Variants in CFAP263 observed in about 807,000 individuals in gnomAD.
The protein encoded by CFAP263 is cilia- and flagella-associated protein 263.
At chr16:58,250,567 C>G in the CFAP263 span, 1 of 154,182 alleles carries the variant, frequency 6.5e-6, no homozygotes, top group Non-Finnish European at 1.4e-5. Context: ...GAGTTCGAGA[C>G]CAGCCTGGCC....
the CFAP263 span, among the ~76,000 whole-genome samples, chr16:58,266,389 ATATATATATATATATATTTTTTTTTTTT>A: frequency 3.2e-5 from 1 of 30,880 alleles, no homozygotes; most frequent in African/African-American, 1.6e-4. Flanking sequence ...ATATATATAT[ATATATATATATATATATTTTTTTTTTTT>A]TTTTTTTTTT....
At chr16:58,254,454 T>C in the CFAP263 span, among the ~76,000 whole-genome samples, 1 of 152,212 alleles carries the variant, frequency 6.6e-6, no homozygotes, top group African/African-American at 2.4e-5. Context: ...TGGCCTCTTT[T>C]GGTTGATCAA....
the CFAP263 span, among the ~76,000 whole-genome samples, chr16:58,252,017 G>A: frequency 3.3e-5 from 1 of 30,074 alleles, no homozygotes; most frequent in Admixed American, 3.1e-4. Flanking sequence ...TAAAAGAACT[G>A]AAAAACAAAC....
At chr16:58,280,808 G>A in the CFAP263 span, 3 of 1,491,548 alleles carry the variant, frequency 2.0e-6, no homozygotes, top group Non-Finnish European at 2.7e-6. Context: ...AGTTTTTGTT[G>A]TAAATCTATC....
At chr16:58,267,247 C>G in the CFAP263 span, among the ~76,000 whole-genome samples, 1 of 152,186 alleles carries the variant, frequency 6.6e-6, no homozygotes, top group African/African-American at 2.4e-5. Context: ...GATTTAGGTC[C>G]CCGTGTGCCT....
chr16:58,262,783 A>ATAGATAGATAGATAGATAGG, the CFAP263 span, among the ~76,000 whole-genome samples: 2 of 150,912 alleles, frequency 1.3e-5, no homozygotes, highest in East Asian at 3.9e-4. Flanking sequence ...AGATAGATAG[A>ATAGATAGATAGATAGATAGG]TAGATAGATA....
the CFAP263 span, among the ~76,000 whole-genome samples, chr16:58,266,924 G>A: frequency 6.6e-6 from 1 of 152,126 alleles, no homozygotes; most frequent in Non-Finnish European, 1.5e-5. Context: ...TCTCTGTATG[G>A]GCTCAATTCC....
At chr16:58,280,204 T>G in the CFAP263 span, 29 of 1,586,824 alleles carry the variant, frequency 1.8e-5, no homozygotes, top group Non-Finnish European at 2.5e-5. Context: ...ACTCTTCAGT[T>G]TGGTGGGGTA....
At chr16:58,254,217 G>A in the CFAP263 span, 1 of 1,549,910 alleles carries the variant, frequency 6.5e-7, no homozygotes, top group East Asian at 2.2e-5. Context: ...CTACCCCACT[G>A]AGAGGTATCT....
the CFAP263 span, among the ~76,000 whole-genome samples, chr16:58,257,658 C>CT: frequency 0.15 from 21,141 of 142,336 alleles, 1,930 homozygotes; most frequent in East Asian, 0.33. Flanking sequence ...AATATAAAGT[C>CT]TTTTTTTTTT....
At chr16:58,267,592 A>G in the CFAP263 span, 1 of 1,554,220 alleles carries the variant, frequency 6.4e-7, no homozygotes, top group Non-Finnish European at 8.9e-7. Context: ...AGGAGGTAGG[A>G]GAGAGCAAAA....
chr16:58,262,675 A>T, the CFAP263 span: 1 of 739,462 alleles, frequency 1.4e-6, no homozygotes, highest in Non-Finnish European at 2.1e-6. Flanking sequence ...TGTGTCCTAA[A>T]ATTCCCTGAA....
At chr16:58,252,579 A>G in the CFAP263 span, 1 of 598,292 alleles carries the variant, frequency 1.7e-6, no homozygotes, top group Non-Finnish European at 2.9e-6. Context: ...CTAAAAGTTA[A>G]GTGCTATTCT....
the CFAP263 span, among the ~76,000 whole-genome samples, chr16:58,251,431 G>A: frequency 1.5e-4 from 23 of 152,224 alleles, no homozygotes; most frequent in Admixed American, 8.5e-4. Flanking sequence ...TCGCTCTGTC[G>A]CCCAGGCTGA....
the CFAP263 span, among the ~76,000 whole-genome samples, chr16:58,279,183 G>T: frequency 6.0e-4 from 91 of 152,270 alleles, 1 homozygote; most frequent in African/African-American, 2.1e-3. Context: ...GGTGTCAGAA[G>T]AAAGACAAGC....
the CFAP263 span, chr16:58,283,427 A>G: frequency 1.3e-5 from 2 of 152,240 alleles, no homozygotes; most frequent in East Asian, 1.9e-4. Flanking sequence ...TAGAGTAGAA[A>G]TAGCTTAGAA....
chr16:58,260,255 C>T, the CFAP263 span, among the ~76,000 whole-genome samples: 1 of 152,090 alleles, frequency 6.6e-6, no homozygotes, highest in African/African-American at 2.4e-5. Flanking sequence ...GGTCAGGAGT[C>T]AAGGACTGCA....
At chr16:58,262,216 C>G in the CFAP263 span, among the ~76,000 whole-genome samples, 1 of 152,124 alleles carries the variant, frequency 6.6e-6, no homozygotes, top group Non-Finnish European at 1.5e-5. Flanking sequence ...AATCTCTACA[C>G]CCAGTGCCTA....
chr16:58,270,632 A>T, the CFAP263 span, among the ~76,000 whole-genome samples: 2 of 151,800 alleles, frequency 1.3e-5, no homozygotes, highest in Non-Finnish European at 2.9e-5. Context: ...CAGTTTATCC[A>T]TTTTTTTTCT....
Sources: allele counts gnomAD v4.1 joint callset (sites outside exome capture counted in the v4.1 genomes callset), GRCh38; gene constraint gnomAD v4.1.1; transcripts MANE v1.5; gene names NCBI Gene and HGNC (gene_info 2026-07-23, HGNC 2026-07-21).